INAVA: variants seen among roughly 807,000 people sequenced by gnomAD.
INAVA encodes the protein innate immunity activator.
INAVA carries 32 observed loss-of-function variants against 55.3 expected under a neutral mutation model. The ratio of observed to expected loss-of-function variants is 0.58; its 90% CI spans 0.44 to 0.78. The LOEUF (loss-of-function observed/expected upper bound fraction) is 0.78. Ranked by LOEUF, INAVA falls within the 30% of genes least tolerant of loss-of-function variation. The pLI is 0.00. For missense variants in INAVA, 756 were observed against 786.4 expected (o/e 0.96, Z 0.46); for synonymous variants, 294 against 329.4 (o/e 0.89, Z 1.16).
At chr1:200,910,628 CTA>C (rs1471148160) in intron 8 of INAVA, among the ~76,000 whole-genome samples, 2 of 152,200 alleles carry the variant, frequency 1.3e-5, no homozygotes, top group African/African-American at 4.8e-5. Context: ...GTCATCCAGC[CTA>C]GAGTATAGTG....
chr1:200,898,002 C>T (rs1653017765), intron 1 of INAVA, among the ~76,000 whole-genome samples: 1 of 152,172 alleles, frequency 6.6e-6, no homozygotes, highest in South Asian at 2.1e-4. Context: ...TCCTTCTTGC[C>T]CTTCTCCCCA....
chr1:200,911,170 AC>A (rs1263576966), intron 8 of INAVA, among the ~76,000 whole-genome samples: 2 of 151,018 alleles, frequency 1.3e-5, no homozygotes, highest in Admixed American at 1.3e-4. Context: ...TAAAAAAAGT[AC>A]TTAATGTGCT....
upstream of INAVA, among the ~76,000 whole-genome samples, chr1:200,893,128 A>C (rs1188765544): frequency 6.6e-6 from 1 of 152,180 alleles, no homozygotes; most frequent in Non-Finnish European, 1.5e-5. Flanking sequence ...TCACAGTAGC[A>C]TTGGCAGTAC....
chr1:200,891,606 G>A, upstream of INAVA: 5 of 1,559,322 alleles, frequency 3.2e-6, no homozygotes, highest in Non-Finnish European at 4.3e-6. Flanking sequence ...AGGCTCGGGG[G>A]GAGGGAAGAT....
rs1336222494 is a variant in INAVA, at chr1:200,911,824, C to G, written c.1331C>G (p.Pro444Arg). ...CGGTACGTGGTGGTGGCTGAGAGCC[C>G]CCTGCCGCCTGGCGAGTGGGAGCTG... Reference protein sequence around the residue: ...AGRYVVVAESPLPPGEWELRR... With the variant: ...AGRYVVVAESRLPPGEWELRR... Residue 444 changes from proline to arginine, a missense_variant, in exon 9 of 10, where the codon CCC becomes CGC. Pro to Arg is a moderately radical substitution (Grantham distance 103). Around this residue, in one of 2 missense-constraint regions of INAVA, gnomAD observed 639 missense variants for 624.3 expected, o/e 1.02. Coordinates refer to ENST00000413687, the MANE Select transcript of INAVA (RefSeq NM_001142569.3). 6.2e-7 allele frequency: 1 copy of G among 1,604,102 alleles called. No individual in the cohort carries two copies. The highest frequency in any genetic ancestry group is 2.2e-5 in the East Asian group (1 of 44,612).
intron 8 of INAVA, among the ~76,000 whole-genome samples, chr1:200,910,113 A>T (rs1005495324): frequency 6.6e-6 from 1 of 152,148 alleles, no homozygotes; most frequent in African/African-American, 2.4e-5. Context: ...AAACAGCAGA[A>T]TCACTAATCA....
chr1:200,893,538 C>T (rs1292845312), upstream of INAVA, among the ~76,000 whole-genome samples: 2 of 152,054 alleles, frequency 1.3e-5, no homozygotes, highest in African/African-American at 4.8e-5. Flanking sequence ...TCACGGAGGA[C>T]TGGGGAAGGG....
chr1:200,908,643 G>T, intron 6 of INAVA, 87 bp from the exon 7 acceptor site: 1 of 1,151,404 alleles, frequency 8.7e-7, no homozygotes, highest in Non-Finnish European at 1.2e-6. Context: ...AGGGAGAGCG[G>T]CGAGGCATGG....
Position 200,899,610 on chromosome 1 carries a change from C to T in INAVA, c.180+13C>T, listed in dbSNP as rs375903489. On this transcript the variant is annotated intron_variant, in intron 3 of 9. Transcript: ENST00000413687. ...CCTTCGGGAAGCGGTGAGGCCCCAGCCAGCACACACAAGCATCGGGTTCAT... is the reference window on the plus strand; with the variant it reads ...CCTTCGGGAAGCGGTGAGGCCCCAGTCAGCACACACAAGCATCGGGTTCAT... The T allele has an allele frequency of 2.2e-4, 354 of 1,611,058 alleles. No homozygotes were observed. Among genetic ancestry groups the T allele is most frequent in the Non-Finnish European group, 2.7e-4 (320 of 1,179,210 alleles).
At position 200,911,439 on chromosome 1, in the gene INAVA, C is replaced by T. The variant is rs564955761; in HGVS notation, c.960-14C>T. 6.2e-7 allele frequency: 1 copy of T among 1,602,992 alleles called. No individual in the cohort carries two copies. Among genetic ancestry groups the T allele is most frequent in the African/African-American group, 1.3e-5 (1 of 74,872 alleles). On this transcript the variant is annotated splice_polypyrimidine_tract_variant and intron_variant, in intron 8 of 9. Transcript: ENST00000413687. ...TGCCCCCCACACTCAGAATGCCTCT[C>T]TTTCCCTCTTCAGGGTGGATTCCTT...
At chr1:200,902,109 C>T (rs3767495) in intron 5 of INAVA, among the ~76,000 whole-genome samples, 39,059 of 151,926 alleles carry the variant, frequency 0.26, 5,344 homozygotes, top group South Asian at 0.43. Flanking sequence ...GGAATGAGGC[C>T]GTGGCCCTGC....
upstream of INAVA, chr1:200,891,651 G>A: frequency 6.6e-7 from 1 of 1,509,598 alleles, no homozygotes; most frequent in East Asian, 2.5e-5. Flanking sequence ...CTGCGAGGCT[G>A]GAGTGGAGGG....
At chr1:200,898,216 A>G in intron 1 of INAVA, 91 bp from the exon 2 acceptor site, 1 of 1,384,548 alleles carries the variant, frequency 7.2e-7, no homozygotes, top group Non-Finnish European at 9.9e-7. Flanking sequence ...CCTCCCTTCC[A>G]CTCCCCTGCT....
At chr1:200,900,041 G>A in intron 3 of INAVA, 63 bp from the exon 4 acceptor site, 1 of 1,377,480 alleles carries the variant, frequency 7.3e-7, no homozygotes, top group East Asian at 2.5e-5. Context: ...ATGCAGTGCA[G>A]GGGCCAGTGA....
intron 5 of INAVA, among the ~76,000 whole-genome samples, 193 bp downstream of exon 5, chr1:200,901,352 G>A (rs756712801): frequency 3.9e-5 from 6 of 152,176 alleles, no homozygotes; most frequent in South Asian, 2.1e-4. Context: ...CTTCTTCTCC[G>A]TCTCCTTAGA....
At position 200,911,171 on chromosome 1, in the gene INAVA, CTT is replaced by C. The variant is rs1484846839; in HGVS notation, c.960-281_960-280del. On this transcript the variant is annotated intron_variant, in intron 8 of 9. Transcript: ENST00000413687. ...TTAATGTAGTACTTTAAAAAAAGTA[CTT>C]AATGTGCTACTTGATGTAGCACACT... 2.9e-3 allele frequency among the ~76,000 whole-genome samples: 438 copies of C among 151,752 alleles called. 2 individuals are homozygous for C. Among genetic ancestry groups the C allele is most frequent in the African/African-American group, 9.9e-3 (411 of 41,322 alleles).
At chr1:200,892,897 T>C (rs931435825), upstream of INAVA, among the ~76,000 whole-genome samples, 19 of 152,292 alleles carry the variant, frequency 1.2e-4, no homozygotes, top group African/African-American at 4.6e-4. Context: ...TTCCAAAGGA[T>C]CAATGCAAAC....
chr1:200,899,001 A>C (rs922850781), intron 2 of INAVA, among the ~76,000 whole-genome samples: 1 of 152,168 alleles, frequency 6.6e-6, no homozygotes. Flanking sequence ...TCATCTGGCC[A>C]ATGTGAAGGT....
chr1:200,907,003 T>A (rs935293109), intron 5 of INAVA, among the ~76,000 whole-genome samples: 2 of 152,134 alleles, frequency 1.3e-5, no homozygotes, highest in African/African-American at 4.8e-5. Context: ...TTTTCGTATT[T>A]TTTGTAGAGA....
Sources: gnomAD v4.1 joint callset for allele counts (sites outside exome capture counted in the v4.1 genomes callset) on GRCh38, gnomAD v4.1.1 for gene constraint, gnomAD v4.1.1 regional missense constraint, MANE v1.5 for transcripts, NCBI Gene and HGNC (gene_info 2026-07-23, HGNC 2026-07-21) for gene names.